Variants in SGCD observed in about 807,000 individuals in gnomAD.
The protein encoded by SGCD is sarcoglycan delta.
Under a neutral mutation model 36.6 loss-of-function variants are expected in SGCD, and 18 were observed. That is an observed-to-expected ratio of 0.49 (90% CI 0.34 to 0.73). The LOEUF is 0.73. Ranked by LOEUF, SGCD falls within the 30% of genes least tolerant of loss-of-function variation. The probability of loss-of-function intolerance (pLI) is 0.01; values close to 1 mark genes in which losing one functional copy is unlikely to be tolerated. For missense variants in SGCD, 387 were observed against 346.7 expected, an observed-to-expected ratio of 1.12 and a Z score of -0.92; for synonymous variants, 133 against 130.6, an observed-to-expected ratio of 1.02 and a Z score of -0.12.
Position 156,329,597 on chromosome 5 carries a change from G to A in SGCD, c.3+18G>A, listed in dbSNP as rs1355413343. 1.2e-6 allele frequency: 2 copies of A among 1,611,748 alleles called. No homozygotes were observed. Among genetic ancestry groups the A allele is most frequent in the South Asian group, 1.1e-5 (1 of 90,798 alleles). On this transcript the variant is annotated intron_variant, in intron 2 of 8. Transcript: ENST00000337851. The stretch of plus-strand genomic sequence containing the variant: ...TGGAGATGGTGAGTAATTCCCGGGA[G>A]CGAAGCTTGTTCAAGGCCCTGCTCA...
the SGCD span, among the ~76,000 whole-genome samples, chr5:155,787,396 A>G: frequency 6.6e-6 from 1 of 152,292 alleles, no homozygotes; most frequent in South Asian, 2.1e-4. Context: ...CATCCAGACT[A>G]TAAATCGCAT....
At chr5:156,570,521 G>A (rs973733124) in intron 4 of SGCD, among the ~76,000 whole-genome samples, 3 of 152,120 alleles carry the variant, frequency 2.0e-5, no homozygotes, top group Admixed American at 6.5e-5. Context: ...ACCTAGTCAT[G>A]ATTTATAGCT....
chr5:155,913,998 T>G (rs1193621047), intron 1 of SGCD, among the ~76,000 whole-genome samples: 2 of 152,176 alleles, frequency 1.3e-5, no homozygotes, highest in East Asian at 3.8e-4. Flanking sequence ...ACATAAAATG[T>G]TACAGTTAGA....
At chr5:156,487,055 C>G (rs1404674908) in intron 3 of SGCD, among the ~76,000 whole-genome samples, 1 of 152,142 alleles carries the variant, frequency 6.6e-6, no homozygotes, top group Non-Finnish European at 1.5e-5. Flanking sequence ...GAAGCTCACT[C>G]ATACTCACTA....
intron 4 of SGCD, among the ~76,000 whole-genome samples, chr5:156,586,672 C>T (rs1760506603): frequency 6.6e-6 from 1 of 152,210 alleles, no homozygotes; most frequent in East Asian, 1.9e-4. Context: ...TCCTCAAATG[C>T]TTTCAGCTTT....
At position 156,235,117 on chromosome 5, in the gene SGCD, T is replaced by C. The variant is rs866581808; in HGVS notation, c.-43-94417T>C. On this transcript the variant is annotated intron_variant, in intron 3 of 9. Coordinates refer to the SGCD transcript ENST00000517913. Reference sequence around the variant, plus strand: ...GCTTTCCCCCTTCCTTAACCTTTTCTGGTTAAGAGAAGAGAAAACTATTTT... The same window carrying C: ...GCTTTCCCCCTTCCTTAACCTTTTCCGGTTAAGAGAAGAGAAAACTATTTT... Among the ~76,000 whole-genome samples the C allele has an allele frequency of 5.9e-5, 9 of 152,330 alleles. No homozygotes were observed. The South Asian group carries it at 1.0e-3, about 18-fold the overall frequency.
chr5:156,075,879 C>T (rs1412069793), intron 1 of SGCD, among the ~76,000 whole-genome samples: 4 of 152,324 alleles, frequency 2.6e-5, no homozygotes, highest in South Asian at 2.1e-4. Context: ...CAGATTTAGA[C>T]TGCTGACTGT....
intron 3 of SGCD, among the ~76,000 whole-genome samples, chr5:156,236,333 T>A (rs1191288520): frequency 1.3e-5 from 2 of 152,206 alleles, no homozygotes; most frequent in African/African-American, 4.8e-5. Flanking sequence ...TGTAGTGAGT[T>A]CTTACTTTAT....
chr5:156,610,639 G>C (rs1761749612), intron 6 of SGCD, among the ~76,000 whole-genome samples: 1 of 152,262 alleles, frequency 6.6e-6, no homozygotes, highest in African/African-American at 2.4e-5. Context: ...TGCCCCCGGA[G>C]GTGGAGTCTG....
At chr5:155,933,721 C>T (rs1280814177) in intron 1 of SGCD, among the ~76,000 whole-genome samples, 1 of 152,188 alleles carries the variant, frequency 6.6e-6, no homozygotes, top group Non-Finnish European at 1.5e-5. Flanking sequence ...AAAATATGTA[C>T]CTACCTTGAA....
At chr5:156,284,126 G>T (rs552037328) in intron 3 of SGCD, among the ~76,000 whole-genome samples, 2 of 152,150 alleles carry the variant, frequency 1.3e-5, no homozygotes, top group African/African-American at 4.8e-5. Context: ...AAACCAGGAA[G>T]AAGTTGAATC....
chr5:156,511,368 C>T (rs1056564255), intron 4 of SGCD, among the ~76,000 whole-genome samples: 3 of 152,184 alleles, frequency 2.0e-5, no homozygotes, highest in South Asian at 2.1e-4. Flanking sequence ...CTGTTCTCAC[C>T]TGCACCATTG....
At chr5:155,995,620 G>A (rs771393513) in intron 1 of SGCD, among the ~76,000 whole-genome samples, 3 of 152,074 alleles carry the variant, frequency 2.0e-5, no homozygotes, top group African/African-American at 7.2e-5. Flanking sequence ...GAATCAACCC[G>A]ATATCTATCA....
chr5:156,753,925 G>A (rs907957218), intron 7 of SGCD, among the ~76,000 whole-genome samples: 7 of 152,200 alleles, frequency 4.6e-5, no homozygotes, highest in African/African-American at 1.7e-4. Context: ...AAAGACTAGC[G>A]TGTGAACAAC....
At chr5:156,179,284 A>G (rs931848277) in intron 3 of SGCD, among the ~76,000 whole-genome samples, 11 of 152,184 alleles carry the variant, frequency 7.2e-5, no homozygotes, top group African/African-American at 2.4e-4. Context: ...ATATCCTGAT[A>G]TCATATTTAA....
intron 4 of SGCD, among the ~76,000 whole-genome samples, chr5:156,510,448 G>A (rs961936867): frequency 7.9e-5 from 12 of 152,134 alleles, no homozygotes; most frequent in Admixed American, 5.2e-4. Context: ...AATTTGGTTA[G>A]TTGTCATTGA....
chr5:156,310,855 C>T (rs1767374124), intron 3 of SGCD, among the ~76,000 whole-genome samples: 1 of 152,140 alleles, frequency 6.6e-6, no homozygotes, highest in South Asian at 2.1e-4. Context: ...ACATATAAAA[C>T]AGTCACAAAA....
intron 3 of SGCD, among the ~76,000 whole-genome samples, chr5:156,125,553 CAT>C (rs949398719): frequency 1.2e-4 from 18 of 151,962 alleles, no homozygotes; most frequent in Admixed American, 6.6e-5. Flanking sequence ...TAAGAGGGAG[CAT>C]TTCAAATACA....
At chr5:156,272,158 T>C (rs533387157) in intron 3 of SGCD, among the ~76,000 whole-genome samples, 181 of 152,262 alleles carry the variant, frequency 1.2e-3, no homozygotes, top group Admixed American at 2.7e-3. Context: ...TGTTATCCCT[T>C]ACACCCTTCT....
Sources: gnomAD v4.1 joint callset for allele counts (sites outside exome capture counted in the v4.1 genomes callset) on GRCh38, gnomAD v4.1.1 for gene constraint, MANE v1.5 for transcripts, NCBI Gene and HGNC (gene_info 2026-07-23, HGNC 2026-07-21) for gene names.